Variants in DISC1 observed in about 807,000 individuals in gnomAD.
The protein encoded by DISC1 is DISC1 scaffold protein.
In DISC1, 57 loss-of-function variants were observed where a neutral mutation model predicts 84.5. The observed-to-expected ratio is 0.67, with a 90% CI of 0.55 to 0.84. The LOEUF (loss-of-function observed/expected upper bound fraction) is 0.84. Ranked by LOEUF, DISC1 falls within the 40% of genes least tolerant of loss-of-function variation. The pLI is 0.00. For synonymous variants in DISC1, 411 were observed against 415.2 expected (o/e 0.99, Z 0.12); for missense variants, 1,000 against 1,057.8 (o/e 0.95, Z 0.76).
intron 9 of DISC1, among the ~76,000 whole-genome samples, chr1:231,830,694 T>C (rs890656204): frequency 6.6e-6 from 1 of 152,164 alleles, no homozygotes; most frequent in Admixed American, 6.5e-5. Flanking sequence ...GTGTCTGGAA[T>C]GAGACTGGGG....
intron 9 of DISC1, among the ~76,000 whole-genome samples, chr1:231,840,663 A>G (rs981731106): frequency 4.0e-5 from 6 of 150,804 alleles, no homozygotes; most frequent in African/African-American, 1.2e-4. Flanking sequence ...AGAAATTAAC[A>G]GCCCAAGGGA....
intron 3 of DISC1, among the ~76,000 whole-genome samples, chr1:231,748,319 A>G (rs1302634891): frequency 6.6e-6 from 1 of 152,176 alleles, no homozygotes; most frequent in Non-Finnish European, 1.5e-5. Flanking sequence ...TGTTCCATTT[A>G]TTAGAGGAAA....
intron 3 of DISC1, among the ~76,000 whole-genome samples, chr1:231,746,055 C>G (rs563934419): frequency 6.6e-6 from 1 of 152,132 alleles, no homozygotes; most frequent in Non-Finnish European, 1.5e-5. Context: ...AAGCAGATGC[C>G]GGCACTAAGC....
intron 9 of DISC1, among the ~76,000 whole-genome samples, chr1:231,890,947 A>C (rs1222169704): frequency 6.6e-6 from 1 of 152,138 alleles, no homozygotes; most frequent in Admixed American, 6.5e-5. Context: ...CCCGTGACAA[A>C]GAGTGGGAAT....
Position 232,037,346 on chromosome 1 carries a change from C to T in DISC1, c.*515C>T, listed in dbSNP as rs563952182. 6.6e-6 allele frequency: 1 copy of T among 152,318 alleles called. No homozygotes were observed. The highest frequency in any genetic ancestry group is 1.9e-4 in the East Asian group (1 of 5,182). The allele number at this position is 152,318 out of a possible 1,614,324, so 9.4% of individuals were successfully genotyped here. A position where few individuals can be genotyped will look rare whatever the true frequency, so the allele number is the denominator to read the frequency against. On this transcript the variant is annotated 3_prime_UTR_variant, in exon 13 of 13. Transcript: ENST00000439617. The stretch of plus-strand genomic sequence containing the variant: ...AGAGTCTGGAGTTAACAGCTTTTCA[C>T]CTTACTTCTCCTGTGATCTAATATT...
intron 9 of DISC1, among the ~76,000 whole-genome samples, chr1:231,850,549 A>G (rs1466343205): frequency 6.6e-6 from 1 of 152,260 alleles, no homozygotes; most frequent in Non-Finnish European, 1.5e-5. Context: ...GGATGGTGAC[A>G]GGTAAAAAAA....
chr1:231,862,425 G>C (rs2084741303), intron 9 of DISC1, among the ~76,000 whole-genome samples: 1 of 152,204 alleles, frequency 6.6e-6, no homozygotes, highest in Admixed American at 6.5e-5. Context: ...GGTTTTAGCA[G>C]ATAATTTTTA....
intron 1 of DISC1, among the ~76,000 whole-genome samples, chr1:231,681,874 A>G (rs190485704): frequency 4.7e-4 from 71 of 152,074 alleles, no homozygotes; most frequent in Non-Finnish European, 7.4e-4. Context: ...AATTTTTTGT[A>G]CTTTTAGTAA....
intron 3 of DISC1, among the ~76,000 whole-genome samples, chr1:231,717,377 T>C (rs1316130841): frequency 3.9e-5 from 6 of 152,110 alleles, no homozygotes; most frequent in Non-Finnish European, 8.8e-5. Flanking sequence ...TCTGCTTTGG[T>C]GTTGGTAGTG....
At chr1:231,722,915 TG>T in intron 3 of DISC1, 1 of 1,288,254 alleles carries the variant, frequency 7.8e-7, no homozygotes, top group Non-Finnish European at 9.9e-7. Context: ...ATTAGATTTT[TG>T]TAGGGGGGAG....
At chr1:231,770,599 C>T (rs1300356643) in intron 5 of DISC1, among the ~76,000 whole-genome samples, 1 of 152,154 alleles carries the variant, frequency 6.6e-6, no homozygotes, top group Non-Finnish European at 1.5e-5. Flanking sequence ...GGCTCACCCC[C>T]CATAGTTATT....
chr1:231,970,633 G>A (rs775025879), intron 10 of DISC1, among the ~76,000 whole-genome samples: 4 of 152,082 alleles, frequency 2.6e-5, no homozygotes, highest in Admixed American at 6.5e-5. Flanking sequence ...TTGAAAGATA[G>A]CCTGAAGAAA....
At chr1:231,858,726 C>T (rs200647142) in intron 9 of DISC1, among the ~76,000 whole-genome samples, 1 of 152,148 alleles carries the variant, frequency 6.6e-6, no homozygotes, top group African/African-American at 2.4e-5. Flanking sequence ...CCTCATGTTC[C>T]GTTTCTCTGG....
chr1:231,945,435 G>A (rs1656972372), intron 9 of DISC1, among the ~76,000 whole-genome samples: 1 of 152,070 alleles, frequency 6.6e-6, no homozygotes, highest in Non-Finnish European at 1.5e-5. Flanking sequence ...ACACAACAAA[G>A]CAGAATCTCT....
intron 9 of DISC1, among the ~76,000 whole-genome samples, chr1:231,838,948 G>A (rs975069066): frequency 3.9e-5 from 6 of 152,172 alleles, no homozygotes; most frequent in African/African-American, 7.2e-5. Context: ...TCCTGACCTC[G>A]AGAGCTTTGC....
At chr1:231,799,074 A>G (rs1424256116) in intron 7 of DISC1, among the ~76,000 whole-genome samples, 2 of 152,138 alleles carry the variant, frequency 1.3e-5, no homozygotes, top group Non-Finnish European at 2.9e-5. Flanking sequence ...AAAAAATGTG[A>G]TGTTTTAGCC....
chr1:231,934,733 C>A (rs1470739456), intron 9 of DISC1, among the ~76,000 whole-genome samples: 1 of 152,128 alleles, frequency 6.6e-6, no homozygotes, highest in Non-Finnish European at 1.5e-5. Flanking sequence ...TTATTTTGAT[C>A]AGGTGGACAA....
At chr1:231,972,549 C>G (rs1414623863) in intron 10 of DISC1, among the ~76,000 whole-genome samples, 1 of 152,166 alleles carries the variant, frequency 6.6e-6, no homozygotes, top group Non-Finnish European at 1.5e-5. Context: ...CTATGTTAGT[C>G]TACCTAGGAA....
At chr1:231,812,799 GCTC>G (rs3083695) in intron 8 of DISC1, among the ~76,000 whole-genome samples, 34,485 of 151,940 alleles carry the variant, frequency 0.23, 4,159 homozygotes, top group East Asian at 0.38. Flanking sequence ...TCATCACTGA[GCTC>G]CTGACCAATT....
Sources: allele counts gnomAD v4.1 joint callset (sites outside exome capture counted in the v4.1 genomes callset), GRCh38; gene constraint gnomAD v4.1.1; transcripts MANE v1.5; gene names NCBI Gene and HGNC (gene_info 2026-07-23, HGNC 2026-07-21).